The following PTDSS2 variants were observed in gnomAD, a reference collection of about 807,000 sequenced individuals.
PTDSS2 encodes phosphatidylserine synthase 2, also known as PSS-2.
Under a neutral mutation model 64.7 loss-of-function variants are expected in PTDSS2, and 41 were observed. That is an observed-to-expected ratio of 0.63 (90% CI 0.49 to 0.82). The LOEUF is 0.82. PTDSS2 is among the 40% of genes least tolerant of loss of function. The pLI, the probability that PTDSS2 is intolerant of heterozygous loss-of-function variation, is 0.00. For missense variants in PTDSS2, 485 were observed against 650.0 expected, an observed-to-expected ratio of 0.75 and a Z score of 2.76; for synonymous variants, 297 against 277.8, an observed-to-expected ratio of 1.07 and a Z score of -0.69.
chr11:451,770 G>A (rs959628005), intron 1 of PTDSS2, among the ~76,000 whole-genome samples: 2 of 152,314 alleles, frequency 1.3e-5, no homozygotes, highest in Non-Finnish European at 2.9e-5. Flanking sequence ...AAGCTCTGGA[G>A]AGAGACTGTC....
intron 2 of PTDSS2, among the ~76,000 whole-genome samples, chr11:471,882 T>C (rs1171087457): frequency 4.2e-5 from 5 of 119,488 alleles, no homozygotes; most frequent in Non-Finnish European, 8.5e-5. Flanking sequence ...CGCGCACCTG[T>C]CTGGTGGATG....
Position 490,814 on chromosome 11 carries a change from G to A in PTDSS2, c.*232G>A, listed in dbSNP as rs1012806025. 5 of 580,324 alleles carry A rather than the reference G, an allele frequency of 8.6e-6. No individual in the cohort carries two copies. Among genetic ancestry groups the A allele is most frequent in the African/African-American group, 3.8e-5 (2 of 52,154 alleles). The allele number at this position is 580,324 out of a possible 1,614,324, so 35.9% of individuals were successfully genotyped here. A position where few individuals can be genotyped will look rare whatever the true frequency, so the allele number is the denominator to read the frequency against. ...CGTGTGTGTACGCGTGTGTACGCGC[G>A]TGTGTACACATGCGTGGCCGCCTGT... On this transcript the variant is annotated 3_prime_UTR_variant, in exon 12 of 12. Coordinates refer to ENST00000308020, the MANE Select transcript of PTDSS2 (RefSeq NM_030783.3).
chr11:488,152 C>G lies in PTDSS2; in HGVS notation c.622-47C>G, dbSNP rs749662519. On this transcript the variant is annotated intron_variant, in intron 6 of 11. Coordinates refer to ENST00000308020, the MANE Select transcript of PTDSS2 (RefSeq NM_030783.3). ...GGCTGCACGCACCCGTGGGCAGGGC[C>G]GGGTGTGGCCGGCGTCCCATACTCT... 4.9e-6 allele frequency: 7 copies of G among 1,419,682 alleles called. No individual in the cohort carries two copies. In the African/African-American group the frequency reaches 8.5e-5, roughly 17 times the overall value. 87.9% of individuals were successfully genotyped at this position (1,419,682 alleles called of 1,614,324 possible). A position where few individuals can be genotyped will look rare whatever the true frequency, so the allele number is the denominator to read the frequency against.
Position 488,119 on chromosome 11 carries a change from G to A in PTDSS2, c.622-80G>A, listed in dbSNP as rs369631101. 8,402 of 1,042,654 alleles carry A rather than the reference G, an allele frequency of 8.1e-3. 131 individuals carry two copies. The highest frequency in any genetic ancestry group is 0.029 in the South Asian group (2,234 of 76,584). 64.6% of individuals were successfully genotyped at this position (1,042,654 alleles called of 1,614,324 possible). On this transcript the variant is annotated intron_variant, in intron 6 of 11. Transcript: ENST00000308020. ...GCGTCCCATACTCTGGCTGCCAGCC[G>A]GGGTGGGGGCTGCACGCACCCGTGG...
intron 2 of PTDSS2, among the ~76,000 whole-genome samples, chr11:466,704 C>T (rs554351330): frequency 2.6e-5 from 4 of 152,184 alleles, no homozygotes; most frequent in South Asian, 2.1e-4. Flanking sequence ...CCACCGCGCA[C>T]GGCCAAAACT....
At chr11:467,063 A>G (rs1847179680) in intron 2 of PTDSS2, among the ~76,000 whole-genome samples, 1 of 151,884 alleles carries the variant, frequency 6.6e-6, no homozygotes, top group African/African-American at 2.4e-5. Context: ...TTTCAAACAC[A>G]AACCTGGGTG....
intron 2 of PTDSS2, among the ~76,000 whole-genome samples, chr11:468,987 G>A (rs1183642013): frequency 7.3e-6 from 1 of 137,844 alleles, no homozygotes; most frequent in Non-Finnish European, 1.6e-5. Flanking sequence ...GGGAGTCTCT[G>A]GGTAATCGGA....
rs538505228 is a variant in PTDSS2 at position 461,847 on chromosome 11, G to T, written c.284+1559G>T. Among the ~76,000 whole-genome samples, 169 of 152,318 alleles carry T rather than the reference G, an allele frequency of 1.1e-3. 1 individual carries two copies. Among genetic ancestry groups the T allele is most frequent in the African/African-American group, 3.9e-3 (164 of 41,578 alleles). On this transcript the variant is annotated intron_variant, in intron 2 of 11. Transcript: ENST00000308020. The surrounding 1 kb of genome is among the most constrained non-coding windows in gnomAD (Gnocchi z 4.2). Reference sequence around the variant, plus strand: ...TGCCGTGCCTGGGGCCCCTGTGGAGGGGCCACCTGGGGACGCTGGACCTGT... The same window carrying T: ...TGCCGTGCCTGGGGCCCCTGTGGAGTGGCCACCTGGGGACGCTGGACCTGT...
intron 1 of PTDSS2, among the ~76,000 whole-genome samples, chr11:456,201 C>A (rs1290225309): frequency 1.7e-5 from 2 of 118,382 alleles, no homozygotes; most frequent in African/African-American, 3.3e-5. Context: ...GAGACAGAAT[C>A]TCACTCTGTC....
At chr11:466,220 T>G (rs1322279986) in intron 2 of PTDSS2, among the ~76,000 whole-genome samples, 1 of 152,028 alleles carries the variant, frequency 6.6e-6, no homozygotes, top group Non-Finnish European at 1.5e-5. Context: ...CATACTGCTA[T>G]AAAGAAATAC....
chr11:452,266 T>C (rs901667171), intron 1 of PTDSS2, among the ~76,000 whole-genome samples: 5 of 152,372 alleles, frequency 3.3e-5, no homozygotes, highest in Middle Eastern at 3.4e-3. Context: ...GTTACCGTTC[T>C]ACGGGACATA....
At chr11:459,898 G>A (rs1846793555) in intron 1 of PTDSS2, 1 of 432,354 alleles carries the variant, frequency 2.3e-6, no homozygotes, top group Admixed American at 3.7e-5. Flanking sequence ...ACCTGCCCTG[G>A]ACGCCAGTGG....
At chr11:464,796 A>T (rs2133779709) in intron 2 of PTDSS2, among the ~76,000 whole-genome samples, 2 of 152,328 alleles carry the variant, frequency 1.3e-5, no homozygotes, top group South Asian at 4.1e-4. Context: ...CTCTTCACAC[A>T]TTTTACTCAA....
intron 3 of PTDSS2, among the ~76,000 whole-genome samples, chr11:478,722 G>A (rs180757980): frequency 1.3e-5 from 2 of 151,900 alleles, no homozygotes; most frequent in East Asian, 1.9e-4. Flanking sequence ...CAGCCTGGGC[G>A]ACAGACTCCA....
In PTDSS2 at chr11:490,817, T is replaced by TAC; in HGVS notation, c.*235_*236insAC. On this transcript the variant is annotated 3_prime_UTR_variant, in exon 12 of 12. Coordinates refer to ENST00000308020, the MANE Select transcript of PTDSS2 (RefSeq NM_030783.3). ...GTGTGTACGCGTGTGTACGCGCGTG[T>TAC]GTACACATGCGTGGCCGCCTGTGGT... is the stretch of plus-strand genomic sequence containing the variant. The TAC allele has an allele frequency of 1.7e-6, 1 of 571,970 alleles. No homozygotes were observed. Among genetic ancestry groups the TAC allele is most frequent in the Non-Finnish European group, 3.1e-6 (1 of 324,672 alleles). 35.4% of individuals were successfully genotyped at this position (571,970 alleles called of 1,614,324 possible).
chr11:465,846 G>A (rs1347884643), intron 2 of PTDSS2, among the ~76,000 whole-genome samples: 1 of 152,018 alleles, frequency 6.6e-6, no homozygotes, highest in Non-Finnish European at 1.5e-5. Flanking sequence ...GGAGACCGAG[G>A]CGAGAGGATT....
intron 1 of PTDSS2, among the ~76,000 whole-genome samples, chr11:457,190 C>G (rs1846635199): frequency 6.6e-6 from 1 of 152,234 alleles, no homozygotes; most frequent in African/African-American, 2.4e-5. Context: ...TCCACCCTGG[C>G]TCTTCATGAA....
rs1449167919 is a variant in PTDSS2 at position 462,852 on chromosome 11, A to G, written c.284+2564A>G. 6.6e-6 allele frequency: 1 copy of G among 152,188 alleles called. No homozygotes were observed. The highest frequency in any genetic ancestry group is 1.5e-5 in the Non-Finnish European group (1 of 68,020). 9.4% of individuals were successfully genotyped at this position (152,188 alleles called of 1,614,324 possible). A position where few individuals can be genotyped will look rare whatever the true frequency, so the allele number is the denominator to read the frequency against. ...AATACTAGAATTATCTGATGTCCTCAAGGGTAGATTTTCTTATATAGAAAA... is the reference window on the plus strand; with the variant it reads ...AATACTAGAATTATCTGATGTCCTCGAGGGTAGATTTTCTTATATAGAAAA... On this transcript the variant is annotated intron_variant, in intron 2 of 11. Transcript: ENST00000308020. The surrounding 1 kb of genome is among the most constrained non-coding windows in gnomAD (Gnocchi z 4.5).
intron 2 of PTDSS2, among the ~76,000 whole-genome samples, chr11:472,383 G>A (rs777699847): frequency 2.0e-5 from 3 of 152,216 alleles, no homozygotes; most frequent in Admixed American, 6.5e-5. Flanking sequence ...ACAGGGACGC[G>A]GGCCCCACCT....
Sources: gnomAD v4.1 joint callset for allele counts (sites outside exome capture counted in the v4.1 genomes callset) on GRCh38, gnomAD v4.1.1 for gene constraint, Gnocchi (gnomAD v3.1) non-coding constraint, MANE v1.5 for transcripts, NCBI Gene and HGNC (gene_info 2026-07-23, HGNC 2026-07-21) for gene names.